Variants in NRG3 observed in about 807,000 individuals in gnomAD.
NRG3 encodes neuregulin 3.
Under a neutral mutation model 66.9 loss-of-function variants are expected in NRG3, and 31 were observed. The ratio of observed to expected loss-of-function variants is 0.46; its 90% CI spans 0.35 to 0.63. The LOEUF is 0.63. Ranked by LOEUF, NRG3 falls within the 20% of genes least tolerant of loss-of-function variation. The pLI is 0.00. For synonymous variants in NRG3, 393 were observed against 359.4 expected (o/e 1.09, Z -1.06); for missense variants, 910 against 878.9 (o/e 1.04, Z -0.45).
chr10:82,952,188 G>A (rs180847999), intron 5 of NRG3, among the ~76,000 whole-genome samples: 1 of 152,156 alleles, frequency 6.6e-6, no homozygotes, highest in East Asian at 1.9e-4. Context: ...ATCCCAGCAC[G>A]TTGAGGGGCC....
intron 2 of NRG3, among the ~76,000 whole-genome samples, chr10:82,735,755 G>C (rs536683855): frequency 1.3e-5 from 2 of 152,120 alleles, no homozygotes; most frequent in African/African-American, 2.4e-5. Context: ...GGGCCTGTCA[G>C]GGGGTGGGTG....
intron 1 of NRG3, among the ~76,000 whole-genome samples, chr10:82,338,092 G>A (rs2082483691): frequency 6.6e-6 from 1 of 152,138 alleles, no homozygotes; most frequent in Admixed American, 6.5e-5. Context: ...TAAAGCATGA[G>A]TGTGCCCCTC....
chr10:82,338,170 T>C (rs1303046917), intron 1 of NRG3, among the ~76,000 whole-genome samples: 1 of 152,224 alleles, frequency 6.6e-6, no homozygotes, highest in African/African-American at 2.4e-5. Context: ...ATCAATTCTC[T>C]TTCTGATGTC....
At chr10:82,720,810 C>CATATATATATATATATACATAT (rs2057259143) in intron 2 of NRG3, among the ~76,000 whole-genome samples, 1 of 114,742 alleles carries the variant, frequency 8.7e-6, no homozygotes, top group African/African-American at 4.4e-5. Context: ...GTATTTTATA[C>CATATATATATATATATACATAT]ATATATATAT....
intron 1 of NRG3, among the ~76,000 whole-genome samples, chr10:81,996,486 G>T (rs1353624537): frequency 6.6e-6 from 1 of 152,156 alleles, no homozygotes; most frequent in Non-Finnish European, 1.5e-5. Context: ...ATGATATAAT[G>T]GTGCAGGACT....
intron 2 of NRG3, among the ~76,000 whole-genome samples, chr10:82,445,212 C>T (rs1237714816): frequency 6.6e-6 from 1 of 151,936 alleles, no homozygotes; most frequent in African/African-American, 2.4e-5. Flanking sequence ...GCTGCCTTGG[C>T]AGATGACTCC....
At chr10:82,349,579 G>A (rs916623144) in intron 1 of NRG3, among the ~76,000 whole-genome samples, 2 of 152,032 alleles carry the variant, frequency 1.3e-5, no homozygotes, top group African/African-American at 2.4e-5. Flanking sequence ...TCCTTGAGCT[G>A]TGGTGGGCTC....
At chr10:82,457,777 G>A (rs1336390415) in intron 2 of NRG3, among the ~76,000 whole-genome samples, 2 of 152,166 alleles carry the variant, frequency 1.3e-5, no homozygotes, top group Admixed American at 6.5e-5. Context: ...GTCAGTGAAG[G>A]TTACCGCTGC....
At chr10:81,913,582 C>T (rs1320540885) in intron 1 of NRG3, among the ~76,000 whole-genome samples, 1 of 152,024 alleles carries the variant, frequency 6.6e-6, no homozygotes, top group East Asian at 1.9e-4. Context: ...CACCATCAGG[C>T]CCAGCTAATT....
chr10:82,852,780 G>A (rs571089557), intron 3 of NRG3, among the ~76,000 whole-genome samples: 3 of 152,304 alleles, frequency 2.0e-5, no homozygotes, highest in East Asian at 1.9e-4. Context: ...ACGGGGTGCC[G>A]AGTGGAGTAA....
intron 2 of NRG3, among the ~76,000 whole-genome samples, chr10:82,438,713 A>T (rs2090278538): frequency 6.6e-6 from 1 of 152,170 alleles, no homozygotes; most frequent in Non-Finnish European, 1.5e-5. Flanking sequence ...AGTTCCGTGA[A>T]AAAAGCAGAT....
chr10:82,691,097 C>T (rs2054889109), intron 2 of NRG3, among the ~76,000 whole-genome samples: 1 of 152,064 alleles, frequency 6.6e-6, no homozygotes, highest in East Asian at 1.9e-4. Flanking sequence ...GAATCAGAAT[C>T]CCGACGAACA....
intron 2 of NRG3, among the ~76,000 whole-genome samples, chr10:82,682,141 G>A (rs2054149610): frequency 6.6e-6 from 1 of 152,178 alleles, no homozygotes; most frequent in Non-Finnish European, 1.5e-5. Flanking sequence ...AGTAGGAGGA[G>A]GAAAACAAAG....
At chr10:82,123,975 A>G (rs1422012698) in intron 1 of NRG3, among the ~76,000 whole-genome samples, 1 of 151,934 alleles carries the variant, frequency 6.6e-6, no homozygotes, top group African/African-American at 2.4e-5. Flanking sequence ...ACCCCCTTCA[A>G]TGAGATGCAT....
chr10:82,976,006 G>A lies in NRG3; in HGVS notation c.1412+2091G>A, dbSNP rs1251806584. ...TTAGAAAATAAATCTATTACGGCAT[G>A]TCATATTTATTGCATTATATTTTGG... On this transcript the variant is annotated intron_variant, in intron 7 of 8. Transcript: ENST00000372141. Among the ~76,000 whole-genome samples the A allele has an allele frequency of 2.0e-5, 3 of 152,120 alleles. No individual in the cohort carries two copies. The South Asian group carries it at 6.2e-4, about 32-fold the overall frequency.
At chr10:82,431,282 G>T (rs2089788938) in intron 2 of NRG3, among the ~76,000 whole-genome samples, 1 of 152,124 alleles carries the variant, frequency 6.6e-6, no homozygotes, top group Admixed American at 6.6e-5. Flanking sequence ...TGATGAAAAT[G>T]CTTGATCTCC....
chr10:81,951,805 A>G (rs533092248), intron 1 of NRG3, among the ~76,000 whole-genome samples: 7 of 152,360 alleles, frequency 4.6e-5, no homozygotes, highest in South Asian at 4.1e-4. Flanking sequence ...TCATGCTGCT[A>G]TAAAGACACA....
chr10:82,262,118 C>T (rs2078061387), intron 1 of NRG3, among the ~76,000 whole-genome samples: 1 of 152,142 alleles, frequency 6.6e-6, no homozygotes, highest in South Asian at 2.1e-4. Flanking sequence ...CGAACTAAAC[C>T]TCTTTTATTT....
At chr10:82,618,173 C>G (rs1261058423) in intron 2 of NRG3, among the ~76,000 whole-genome samples, 4 of 152,260 alleles carry the variant, frequency 2.6e-5, no homozygotes, top group Non-Finnish European at 4.4e-5. Flanking sequence ...TTGTCTTTGA[C>G]TTTGGCAGGG....
Sources: allele counts gnomAD v4.1 joint callset (sites outside exome capture counted in the v4.1 genomes callset), GRCh38; gene constraint gnomAD v4.1.1; transcripts MANE v1.5; gene names NCBI Gene and HGNC (gene_info 2026-07-23, HGNC 2026-07-21).